ZNF800: variants seen among roughly 807,000 people sequenced by gnomAD.
The protein encoded by ZNF800 is zinc finger protein 800.
ZNF800 carries 13 observed loss-of-function variants against 59.5 expected under a neutral mutation model. The ratio of observed to expected loss-of-function variants is 0.22; its 90% CI spans 0.14 to 0.35. The LOEUF is 0.35. Among genes scored for constraint, ZNF800 ranks in the 10% least tolerant of loss-of-function variants. The pLI, the probability that ZNF800 is intolerant of heterozygous loss-of-function variation, is 1.00. For missense variants in ZNF800, 621 were observed against 783.7 expected (o/e 0.79, Z 2.48); for synonymous variants, 266 against 265.7 (o/e 1.00, Z -0.01).
chr7:127,362,815 G>A (rs542422367), intron 1 of ZNF800: 2 of 152,194 alleles, frequency 1.3e-5, no homozygotes, highest in East Asian at 1.9e-4. Context: ...TTAGTCAAGC[G>A]ATGAACATAC....
Position 127,377,268 on chromosome 7 carries a change from T to A in ZNF800, c.219A>T (p.Leu73Phe), listed in dbSNP as rs755250522. 3 of 1,611,912 alleles carry A rather than the reference T, an allele frequency of 1.9e-6. No individual in the cohort carries two copies. Among genetic ancestry groups the A allele is most frequent in the Non-Finnish European group, 2.5e-6 (3 of 1,178,496 alleles). ...KDVDTIFECK[L>F]CRSLFRGLPN... is the part of the protein sequence containing the mutation. ...GTAATCCTCTGAAGAGACTGCGGCATAACTTACATTCAAAAATAGTGTCCA... is the reference window on the plus strand; with the variant it reads ...GTAATCCTCTGAAGAGACTGCGGCAAAACTTACATTCAAAAATAGTGTCCA... Residue 73 changes from leucine to phenylalanine, a missense_variant, in exon 4 of 6, where the codon TTA becomes TTT. Physicochemically the swap from Leu to Phe is conservative, Grantham distance 22. This residue lies in a region of ZNF800 where 12 missense variants were observed against 34.4 expected (regional missense o/e 0.35). Transcript: ENST00000265827. The surrounding 1 kb of genome is among the most constrained non-coding windows in gnomAD (Gnocchi z 4.7).
intron 3 of ZNF800, among the ~76,000 whole-genome samples, chr7:127,385,098 C>T (rs942480048): frequency 5.9e-5 from 9 of 152,130 alleles, no homozygotes; most frequent in African/African-American, 2.2e-4. Flanking sequence ...TATATGATTT[C>T]CCCGTTTATA....
intron 2 of ZNF800, among the ~76,000 whole-genome samples, chr7:127,389,603 A>C (rs751111761): frequency 1.3e-5 from 2 of 152,192 alleles, no homozygotes; most frequent in Admixed American, 6.5e-5. Context: ...CCTTCCTCTG[A>C]AATAATGACA....
At chr7:127,360,672 T>G (rs1015063802) in intron 1 of ZNF800, 2 of 152,036 alleles carry the variant, frequency 1.3e-5, no homozygotes, top group African/African-American at 4.8e-5. Context: ...ATGGAAACTT[T>G]ATTTATACTA....
chr7:127,382,171 AAAG>A (rs1800997084), intron 3 of ZNF800, among the ~76,000 whole-genome samples: 2 of 152,286 alleles, frequency 1.3e-5, no homozygotes, highest in African/African-American at 2.4e-5. Context: ...AAGAACTTAA[AAAG>A]AAGATGTCAG....
chr7:127,367,145 ATTTT>A (rs1281630002), downstream of ZNF800, among the ~76,000 whole-genome samples: 1 of 151,894 alleles, frequency 6.6e-6, no homozygotes, highest in Non-Finnish European at 1.5e-5. Context: ...TTTTTTTCTC[ATTTT>A]GTAACACCTA....
intron 3 of ZNF800, among the ~76,000 whole-genome samples, chr7:127,379,833 G>GC (rs1184865878): frequency 2.4e-4 from 3 of 12,704 alleles, no homozygotes; most frequent in Admixed American, 8.0e-4. Context: ...CCTTACCCTT[G>GC]CCACCCCCCC....
At position 127,377,138 on chromosome 7, in the gene ZNF800, G is replaced by T; in HGVS notation, c.301+48C>A. The T allele has an allele frequency of 2.6e-6, 4 of 1,516,478 alleles. No homozygotes were observed. Among genetic ancestry groups the T allele is most frequent in the South Asian group, 1.3e-5 (1 of 79,024 alleles). 93.9% of individuals were successfully genotyped at this position (1,516,478 alleles called of 1,614,324 possible). A position where few individuals can be genotyped will look rare whatever the true frequency, so the allele number is the denominator to read the frequency against. On this transcript the variant is annotated intron_variant, in intron 4 of 5. Coordinates refer to ENST00000265827, the MANE Select transcript of ZNF800 (RefSeq NM_176814.5). The surrounding 1 kb of genome is among the most constrained non-coding windows in gnomAD (Gnocchi z 4.7). ...ATGCAAATGTATACTTGCAGTATAA[G>T]AATACTTAGCTGTAAAATGCATAAC...
At chr7:127,372,911 G>A (rs1473280949) in intron 5 of ZNF800, 11 of 984,014 alleles carry the variant, frequency 1.1e-5, no homozygotes, top group East Asian at 2.3e-4. Flanking sequence ...TATAGTTATC[G>A]CCTTCACAAG....
chr7:127,351,483 T>C (rs1418021487), intron 1 of ZNF800: 2 of 152,242 alleles, frequency 1.3e-5, no homozygotes, highest in Admixed American at 6.5e-5. Flanking sequence ...GCTGTGGTAA[T>C]TTTTCCTGTT....
downstream of ZNF800, among the ~76,000 whole-genome samples, chr7:127,367,114 G>T (rs1196585370): frequency 1.3e-5 from 2 of 152,094 alleles, no homozygotes; most frequent in African/African-American, 4.8e-5. Context: ...GCAACATCCA[G>T]ACACTAGAGT....
At chr7:127,379,663 C>T (rs1241731350) in intron 3 of ZNF800, among the ~76,000 whole-genome samples, 1 of 152,068 alleles carries the variant, frequency 6.6e-6, no homozygotes, top group Admixed American at 6.5e-5. Context: ...TTCTCAATCA[C>T]AGAAAAATAA....
chr7:127,378,745 A>G (rs17862369), intron 3 of ZNF800, among the ~76,000 whole-genome samples: 20,845 of 151,834 alleles, frequency 0.14, 1,678 homozygotes, highest in Middle Eastern at 0.22. Flanking sequence ...AGAGAGAGAG[A>G]GGGAGATAAT....
chr7:127,364,958 AGATTAT>A (rs1468844817), intron 1 of ZNF800, among the ~76,000 whole-genome samples: 1 of 152,120 alleles, frequency 6.6e-6, no homozygotes, highest in African/African-American at 2.4e-5. Flanking sequence ...CCACTTCTTA[AGATTAT>A]GTAAATGAGA....
intron 3 of ZNF800, among the ~76,000 whole-genome samples, chr7:127,378,640 C>T (rs1179005109): frequency 6.6e-6 from 1 of 151,868 alleles, no homozygotes; most frequent in Non-Finnish European, 1.5e-5. Context: ...ATTTTGCAAT[C>T]TGTTTACATT....
downstream of ZNF800, among the ~76,000 whole-genome samples, chr7:127,345,333 T>G (rs1263388929): frequency 6.7e-6 from 1 of 150,160 alleles, no homozygotes; most frequent in Non-Finnish European, 1.5e-5. Context: ...TAAATAACAC[T>G]ACAAGTTGAG....
At chr7:127,388,181 A>T (rs1240926560) in intron 2 of ZNF800, among the ~76,000 whole-genome samples, 1 of 152,192 alleles carries the variant, frequency 6.6e-6, no homozygotes, top group Non-Finnish European at 1.5e-5. Flanking sequence ...AACTGCTTAA[A>T]ACAGCCTGGG....
downstream of ZNF800, among the ~76,000 whole-genome samples, chr7:127,367,602 T>G (rs949605776): frequency 1.3e-5 from 2 of 151,636 alleles, no homozygotes; most frequent in Admixed American, 6.6e-5. Flanking sequence ...TACTAAGAAT[T>G]ATCTTTCTTT....
At chr7:127,386,425 A>G (rs532918823) in intron 2 of ZNF800, among the ~76,000 whole-genome samples, 1 of 152,328 alleles carries the variant, frequency 6.6e-6, no homozygotes, top group East Asian at 1.9e-4. Flanking sequence ...TTTCAATACA[A>G]AGACCTTACT....
Sources: allele counts gnomAD v4.1 joint callset (sites outside exome capture counted in the v4.1 genomes callset), GRCh38; gene constraint gnomAD v4.1.1; regional missense constraint gnomAD v4.1.1; non-coding constraint Gnocchi (gnomAD v3.1); transcripts MANE v1.5; gene names NCBI Gene and HGNC (gene_info 2026-07-23, HGNC 2026-07-21).